The following EHD4 variants were observed in gnomAD, a reference collection of about 807,000 sequenced individuals.
EHD4 encodes the protein EH domain-containing protein 4.
In EHD4, 37 loss-of-function variants were observed where a neutral mutation model predicts 51.0. The observed-to-expected ratio is 0.73, with a 90% CI of 0.56 to 0.95. The LOEUF is 0.95. EHD4 is among the 40% of genes least tolerant of loss of function. EHD4 has a pLI of 0.00. For synonymous variants in EHD4, 297 were observed against 317.3 expected, an observed-to-expected ratio of 0.94 and a Z score of 0.68; for missense variants, 632 against 733.1, an observed-to-expected ratio of 0.86 and a Z score of 1.59.
intron 3 of EHD4, among the ~76,000 whole-genome samples, chr15:41,927,977 T>C (rs551919338): frequency 6.6e-6 from 1 of 152,272 alleles, no homozygotes; most frequent in Non-Finnish European, 1.5e-5. Context: ...TAAAAAAGGG[T>C]TGTTACTAAC....
intron 3 of EHD4, among the ~76,000 whole-genome samples, chr15:41,933,010 G>A (rs982204966): frequency 6.6e-6 from 1 of 152,196 alleles, no homozygotes; most frequent in African/African-American, 2.4e-5. Context: ...GTTTACACAT[G>A]TTATCTTCAA....
chr15:41,972,112 G>T (rs1444025287), intron 1 of EHD4, 147 bp downstream of exon 1: 1 of 727,742 alleles, frequency 1.4e-6, no homozygotes, highest in East Asian at 6.3e-5. Flanking sequence ...AGCCGGGGCG[G>T]GGCCGAGGGC....
intron 5 of EHD4, among the ~76,000 whole-genome samples, chr15:41,903,021 G>C (rs1487857624): frequency 2.0e-5 from 3 of 151,674 alleles, no homozygotes; most frequent in African/African-American, 7.3e-5. Context: ...GCTCTGAACT[G>C]CGAGAGTTAC....
chr15:41,964,144 CAA>C (rs755699829), intron 1 of EHD4, among the ~76,000 whole-genome samples: 6 of 26,560 alleles, frequency 2.3e-4, no homozygotes, highest in African/African-American at 6.9e-4. Context: ...GACTCCATCT[CAA>C]AAAAAAAAAA....
intron 3 of EHD4, among the ~76,000 whole-genome samples, chr15:41,926,995 A>G (rs889701109): frequency 3.3e-5 from 5 of 152,296 alleles, no homozygotes; most frequent in African/African-American, 1.2e-4. Context: ...GAGCAGGGCC[A>G]AGTCTTCACT....
chr15:41,937,556 T>C (rs148731800), intron 3 of EHD4, among the ~76,000 whole-genome samples: 1 of 152,374 alleles, frequency 6.6e-6, no homozygotes, highest in African/African-American at 2.4e-5. Flanking sequence ...CTGAGGGTTC[T>C]TGGTCTTTTA....
rs114804781 is a variant in EHD4 at position 41,930,997 on chromosome 15, T to C, written c.512-11375A>G. 9.2e-3 allele frequency among the ~76,000 whole-genome samples: 1,398 copies of C among 152,284 alleles called. 24 individuals are homozygous for C. The highest frequency in any genetic ancestry group is 0.032 in the African/African-American group (1,326 of 41,560). The stretch of plus-strand genomic sequence containing the variant: ...GAAAATTAGAATCATAATGAGATGG[T>C]GGGCATGTAAACAGGCATGCCTTCT... On this transcript the variant is annotated intron_variant, in intron 3 of 5. Coordinates refer to ENST00000220325, the MANE Select transcript of EHD4 (RefSeq NM_139265.4).
chr15:41,912,236 C>T (rs918325885), intron 4 of EHD4, among the ~76,000 whole-genome samples: 1 of 152,166 alleles, frequency 6.6e-6, no homozygotes, highest in African/African-American at 2.4e-5. Flanking sequence ...GCTCACACTG[C>T]AGCTGCTCTC....
chr15:41,949,051 T>TATATATATATATATACATAC, intron 2 of EHD4, among the ~76,000 whole-genome samples: 1 of 109,466 alleles, frequency 9.1e-6, no homozygotes. Flanking sequence ...TATATATATA[T>TATATATATATATATACATAC]ACACACATAC....
chr15:41,896,401 C>G lies in EHD4; in HGVS notation c.*4244G>C, dbSNP rs959864411. The G allele has an allele frequency of 1.3e-5, 2 of 152,202 alleles. No individual in the cohort carries two copies. The highest frequency in any genetic ancestry group is 4.8e-5 in the African/African-American group (2 of 41,432). The allele number at this position is 152,202 out of a possible 1,614,324, so 9.4% of individuals were successfully genotyped here. On this transcript the variant is annotated 3_prime_UTR_variant, in exon 6 of 6. Coordinates refer to ENST00000220325, the MANE Select transcript of EHD4 (RefSeq NM_139265.4). ...GGTTCAGAGAAGACAGAGTATCTCT[C>G]TCAAGAGTTCTAACATAAGTCTGGG...
At chr15:41,932,186 G>A (rs1352489821) in intron 3 of EHD4, among the ~76,000 whole-genome samples, 1 of 152,124 alleles carries the variant, frequency 6.6e-6, no homozygotes, top group African/African-American at 2.4e-5. Context: ...TCTATATGAT[G>A]GACTGCGGGA....
chr15:41,907,854 GTGTGTGTGTGTGTGTGTA>G (rs923348094), intron 5 of EHD4, among the ~76,000 whole-genome samples: 3 of 102,912 alleles, frequency 2.9e-5, no homozygotes, highest in African/African-American at 4.3e-5. Context: ...GTGTGTGTGT[GTGTGTGTGTGTGTGTGTA>G]TATATTTATT....
intron 3 of EHD4, among the ~76,000 whole-genome samples, chr15:41,930,409 C>T (rs1234136589): frequency 6.6e-6 from 1 of 152,184 alleles, no homozygotes; most frequent in Non-Finnish European, 1.5e-5. Context: ...AGACTCCACC[C>T]AAATGTGATG....
chr15:41,964,759 GAAAAA>G (rs199934344), intron 1 of EHD4, among the ~76,000 whole-genome samples: 2 of 102,084 alleles, frequency 2.0e-5, no homozygotes, highest in African/African-American at 3.0e-5. Flanking sequence ...ATATAAGCCT[GAAAAA>G]AAAAAAAAAT....
rs1346397065 is a variant in EHD4 at position 41,919,123 on chromosome 15, G to A, written c.924+87C>T. On this transcript the variant is annotated intron_variant, in intron 4 of 5. Transcript: ENST00000220325. Reference sequence around the variant, plus strand: ...GTTCATTCCTTAAGCCTTCTGGAACGAAGCCTCCTCCCACCCATCTTGCCT... The same window carrying A: ...GTTCATTCCTTAAGCCTTCTGGAACAAAGCCTCCTCCCACCCATCTTGCCT... 7.1e-6 allele frequency: 11 copies of A among 1,553,642 alleles called. 1 individual carries two copies. The highest frequency in any genetic ancestry group is 4.5e-5 in the South Asian group (4 of 89,072).
rs1373510938 is a variant in EHD4 at position 41,901,081 on chromosome 15, A to C, written c.1190T>G (p.Met397Arg). The change falls in exon 6 of 6, where the codon ATG (methionine) becomes AGG (arginine). Residue 397 changes from methionine (M) to arginine (R), a missense_variant. Physicochemically the swap from Met to Arg is moderately conservative, Grantham distance 91. Coordinates refer to ENST00000220325, the MANE Select transcript of EHD4 (RefSeq NM_139265.4). ...CGTCTCCTCCTGGCTGATGAGGTTC[A>C]TGAGGGGCGAGATCTTGTTGCTCAG... ...NMLSNKISPL[M>R]NLISQEETST... 1 of 1,612,908 alleles carries C rather than the reference A, an allele frequency of 6.2e-7. No individual in the cohort carries two copies.
intron 3 of EHD4, among the ~76,000 whole-genome samples, chr15:41,929,885 C>G (rs917377978): frequency 1.3e-5 from 2 of 152,164 alleles, no homozygotes; most frequent in Non-Finnish European, 2.9e-5. Context: ...ACAGTGCCAG[C>G]CTAAGATGAC....
At chr15:41,910,499 C>T (rs902821964) in intron 4 of EHD4, among the ~76,000 whole-genome samples, 1 of 152,178 alleles carries the variant, frequency 6.6e-6, no homozygotes, top group Non-Finnish European at 1.5e-5. Flanking sequence ...AGAATCTGGC[C>T]TCAACATTTC....
intron 4 of EHD4, among the ~76,000 whole-genome samples, chr15:41,918,448 A>G (rs1246848206): frequency 6.6e-6 from 1 of 152,234 alleles, no homozygotes; most frequent in Non-Finnish European, 1.5e-5. Flanking sequence ...TATTTTTTAA[A>G]GAGCCATTTT....
Sources: gnomAD v4.1 joint callset for allele counts (sites outside exome capture counted in the v4.1 genomes callset) on GRCh38, gnomAD v4.1.1 for gene constraint, MANE v1.5 for transcripts, NCBI Gene and HGNC (gene_info 2026-07-23, HGNC 2026-07-21) for gene names.